ESRRG: variants seen among roughly 807,000 people sequenced by gnomAD.
ESRRG encodes the protein estrogen-related receptor gamma.
ESRRG carries 13 observed loss-of-function variants against 44.0 expected under a neutral mutation model. The ratio of observed to expected loss-of-function variants is 0.30; its 90% confidence interval spans 0.19 to 0.47. The LOEUF (loss-of-function observed/expected upper bound fraction) is 0.47. Among genes scored for constraint, ESRRG ranks in the 20% least tolerant of loss-of-function variants. The pLI is 1.00. For synonymous variants in ESRRG, 215 were observed against 214.6 expected (o/e 1.00, Z -0.02); for missense variants, 395 against 580.6 (o/e 0.68, Z 3.29).
intron 1 of ESRRG, among the ~76,000 whole-genome samples, chr1:217,037,862 A>C (rs1160236170): frequency 3.9e-5 from 6 of 152,180 alleles, no homozygotes; most frequent in African/African-American, 7.2e-5. Context: ...GCCAAAACGA[A>C]GGAGCAACAG....
At chr1:216,667,333 C>A (rs892153865) in intron 2 of ESRRG, among the ~76,000 whole-genome samples, 1 of 152,054 alleles carries the variant, frequency 6.6e-6, no homozygotes, top group African/African-American at 2.4e-5. Context: ...ACAGTAGAAT[C>A]CATGAAATAT....
intron 1 of ESRRG, among the ~76,000 whole-genome samples, chr1:217,128,642 G>A: frequency 6.6e-6 from 1 of 152,044 alleles, no homozygotes; most frequent in East Asian, 1.9e-4. Context: ...TCATTCATAG[G>A]CTAGACACCT....
chr1:217,106,886 C>T (rs2092604260), intron 1 of ESRRG, among the ~76,000 whole-genome samples: 1 of 152,168 alleles, frequency 6.6e-6, no homozygotes, highest in Non-Finnish European at 1.5e-5. Flanking sequence ...TCTTTTTATA[C>T]TTTCACCAAG....
intron 3 of ESRRG, among the ~76,000 whole-genome samples, chr1:216,581,838 T>C (rs749784677): frequency 2.0e-5 from 3 of 152,226 alleles, no homozygotes; most frequent in Non-Finnish European, 4.4e-5. Flanking sequence ...CAGATCTTTC[T>C]ATAAAATCAT....
chr1:217,083,034 T>C (rs2091870152), intron 1 of ESRRG, among the ~76,000 whole-genome samples: 1 of 152,216 alleles, frequency 6.6e-6, no homozygotes, highest in Admixed American at 6.5e-5. Flanking sequence ...AATGATAAAC[T>C]CTCATTCTGT....
intron 2 of ESRRG, among the ~76,000 whole-genome samples, chr1:216,817,285 T>C (rs2095168985): frequency 6.6e-6 from 1 of 152,166 alleles, no homozygotes; most frequent in Admixed American, 6.5e-5. Context: ...TGTATTTCAA[T>C]AGAATAGCCA....
chr1:216,693,270 G>A (rs2079433616), intron 1 of ESRRG, among the ~76,000 whole-genome samples: 1 of 152,066 alleles, frequency 6.6e-6, no homozygotes, highest in Non-Finnish European at 1.5e-5. Context: ...ATTTTTTGGT[G>A]TGTGTAATTA....
intron 1 of ESRRG, among the ~76,000 whole-genome samples, chr1:216,997,334 G>A (rs372016499): frequency 1.8e-4 from 27 of 152,140 alleles, no homozygotes; most frequent in African/African-American, 6.0e-4. Flanking sequence ...AGAACATGCC[G>A]CTAGCAGGAT....
At chr1:216,920,018 A>T (rs1434195086) in intron 2 of ESRRG, among the ~76,000 whole-genome samples, 3 of 152,218 alleles carry the variant, frequency 2.0e-5, no homozygotes, top group Non-Finnish European at 2.9e-5. Flanking sequence ...ACAAGAGAAC[A>T]TCAGAAATGC....
At chr1:216,822,876 T>G (rs2095325650) in intron 2 of ESRRG, among the ~76,000 whole-genome samples, 1 of 152,226 alleles carries the variant, frequency 6.6e-6, no homozygotes, top group African/African-American at 2.4e-5. Context: ...CTTATCTTCA[T>G]TTAGATTCCA....
chr1:216,640,447 T>C (rs1404481306), intron 3 of ESRRG, among the ~76,000 whole-genome samples: 1 of 151,330 alleles, frequency 6.6e-6, no homozygotes, highest in Non-Finnish European at 1.5e-5. Flanking sequence ...ACAGCTTGCC[T>C]TAGGGAAGCT....
intron 2 of ESRRG, among the ~76,000 whole-genome samples, chr1:216,785,502 C>T (rs1438032683): frequency 6.6e-6 from 1 of 151,970 alleles, no homozygotes; most frequent in African/African-American, 2.4e-5. Context: ...CAAGCCCCTA[C>T]CTCTGAGCAG....
At chr1:216,770,904 T>G (rs1185785396) in intron 2 of ESRRG, among the ~76,000 whole-genome samples, 1 of 152,122 alleles carries the variant, frequency 6.6e-6, no homozygotes, top group Non-Finnish European at 1.5e-5. Flanking sequence ...TTCCATTCAT[T>G]CATTTATTCA....
At chr1:216,977,043 T>C (rs1337759711) in intron 1 of ESRRG, among the ~76,000 whole-genome samples, 1 of 152,190 alleles carries the variant, frequency 6.6e-6, no homozygotes, top group East Asian at 1.9e-4. Context: ...CATAAAAGAG[T>C]GAAAGCCAGT....
At chr1:217,116,066 A>T (rs1377406681) in intron 1 of ESRRG, among the ~76,000 whole-genome samples, 14 of 152,254 alleles carry the variant, frequency 9.2e-5, no homozygotes, top group Admixed American at 9.2e-4. Flanking sequence ...AGGAGGGAAA[A>T]CAATAAAAGA....
chr1:216,579,964 T>C (rs775249470), intron 3 of ESRRG, among the ~76,000 whole-genome samples: 1 of 152,218 alleles, frequency 6.6e-6, no homozygotes. Flanking sequence ...CGTCAAGGTA[T>C]TTCATTTGTT....
chr1:216,627,346 C>A (rs2063352651), intron 3 of ESRRG, among the ~76,000 whole-genome samples: 1 of 152,280 alleles, frequency 6.6e-6, no homozygotes, highest in Non-Finnish European at 1.5e-5. Context: ...GCACCCCATT[C>A]CTGAATTCCC....
chr1:216,761,707 T>C (rs1364118995), intron 2 of ESRRG, among the ~76,000 whole-genome samples: 1 of 152,192 alleles, frequency 6.6e-6, no homozygotes, highest in Non-Finnish European at 1.5e-5. Flanking sequence ...GTGCTTTCTG[T>C]ATTAGGCTTA....
At chr1:216,821,496 G>A (rs1483387654) in intron 2 of ESRRG, among the ~76,000 whole-genome samples, 1 of 151,516 alleles carries the variant, frequency 6.6e-6, no homozygotes, top group Non-Finnish European at 1.5e-5. Flanking sequence ...GAGCAGCCTT[G>A]GCAACATAGT....
Sources: allele counts gnomAD v4.1 joint callset (sites outside exome capture counted in the v4.1 genomes callset), GRCh38; gene constraint gnomAD v4.1.1; transcripts MANE v1.5; gene names NCBI Gene and HGNC (gene_info 2026-07-23, HGNC 2026-07-21).